The following ATP6V1A variants were observed in gnomAD, a reference collection of about 807,000 sequenced individuals.
ATP6V1A encodes V-type proton ATPase catalytic subunit A.
Under a neutral mutation model 70.1 loss-of-function variants are expected in ATP6V1A, and 18 were observed. That is an observed-to-expected ratio of 0.26 (90% CI 0.18 to 0.38). ATP6V1A has a LOEUF of 0.38. ATP6V1A is among the 10% of genes least tolerant of loss of function. The pLI is 1.00. For missense variants in ATP6V1A, 424 were observed against 772.4 expected (o/e 0.55, Z 5.35); for synonymous variants, 232 against 253.8 (o/e 0.91, Z 0.82).
intron 1 of ATP6V1A, among the ~76,000 whole-genome samples, chr3:113,772,094 G>A (rs1160783635): frequency 6.6e-6 from 1 of 152,226 alleles, no homozygotes; most frequent in Non-Finnish European, 1.5e-5. Context: ...CCTAGTGGGA[G>A]AGATCTGGAG....
rs1709342716 is a variant in ATP6V1A at position 113,811,659 on chromosome 3, G to A, written c.*2232G>A. The A allele has an allele frequency of 6.6e-6, 1 of 152,584 alleles. No individual in the cohort carries two copies. The highest frequency in any genetic ancestry group is 2.1e-4 in the South Asian group (1 of 4,832). The allele number at this position is 152,584 out of a possible 1,614,324, so 9.5% of individuals were successfully genotyped here. On this transcript the variant is annotated 3_prime_UTR_variant, in exon 15 of 15. Coordinates refer to ENST00000273398, the MANE Select transcript of ATP6V1A (RefSeq NM_001690.4). ...AATCATTCTTATTCCCTTTAAGAAT[G>A]TTTATGTATGAGTGTGAAGATGCTA...
chr3:113,761,489 C>T lies in ATP6V1A; in HGVS notation c.-14+14376C>T, dbSNP rs151008327. 8.1e-3 allele frequency among the ~76,000 whole-genome samples: 1,236 copies of T among 151,978 alleles called. 12 individuals carry two copies. The highest frequency in any genetic ancestry group is 0.028 in the African/African-American group (1,175 of 41,424). On this transcript the variant is annotated intron_variant, in intron 1 of 14. Transcript: ENST00000273398. Reference sequence around the variant, plus strand: ...TGGTGGCTCGCACGTGTTATCCCAGCGCTTTGGGAGGCCGAGGTGGGTAGA... The same window carrying T: ...TGGTGGCTCGCACGTGTTATCCCAGTGCTTTGGGAGGCCGAGGTGGGTAGA...
chr3:113,767,933 C>G (rs953864035), intron 1 of ATP6V1A, among the ~76,000 whole-genome samples: 1 of 152,070 alleles, frequency 6.6e-6, no homozygotes. Context: ...TGTGAGCCAC[C>G]GTGCCTGGCT....
intron 14 of ATP6V1A, among the ~76,000 whole-genome samples, chr3:113,808,654 G>A (rs957422920): frequency 6.6e-6 from 1 of 152,016 alleles, no homozygotes; most frequent in Non-Finnish European, 1.5e-5. Context: ...ATCCCAGTGT[G>A]ATAATACCAG....
intron 1 of ATP6V1A, among the ~76,000 whole-genome samples, chr3:113,768,011 G>A (rs1299418662): frequency 6.6e-6 from 1 of 152,202 alleles, no homozygotes; most frequent in African/African-American, 2.4e-5. Flanking sequence ...TGAACTGTAA[G>A]TGTGTTTAGC....
At chr3:113,755,848 T>C (rs1231602106) in intron 1 of ATP6V1A, among the ~76,000 whole-genome samples, 1 of 152,232 alleles carries the variant, frequency 6.6e-6, no homozygotes, top group Non-Finnish European at 1.5e-5. Flanking sequence ...GTAGCACCTC[T>C]TCGTATTATT....
chr3:113,809,230 G>A, intron 14 of ATP6V1A, 105 bp from the exon 15 acceptor site: 1 of 870,164 alleles, frequency 1.1e-6, no homozygotes, highest in Non-Finnish European at 1.7e-6. Context: ...ACTCCAGCCT[G>A]GGTGACAGAG....
intron 6 of ATP6V1A, among the ~76,000 whole-genome samples, chr3:113,788,136 G>A (rs189957635): frequency 3.3e-4 from 50 of 152,244 alleles, no homozygotes; most frequent in African/African-American, 1.0e-3. Context: ...GCCCAGGCTG[G>A]TCTTGGGCTC....
intron 1 of ATP6V1A, among the ~76,000 whole-genome samples, chr3:113,773,110 T>C (rs1708867630): frequency 6.6e-6 from 1 of 151,846 alleles, no homozygotes; most frequent in South Asian, 2.1e-4. Context: ...GCTAATTTTT[T>C]TGTATTTTTA....
At chr3:113,763,305 T>G (rs952596721) in intron 1 of ATP6V1A, among the ~76,000 whole-genome samples, 1 of 152,182 alleles carries the variant, frequency 6.6e-6, no homozygotes, top group Admixed American at 6.5e-5. Flanking sequence ...GCCAGGATGG[T>G]CTCGATCTCC....
chr3:113,805,188 G>A (rs1709261058), intron 13 of ATP6V1A, among the ~76,000 whole-genome samples, 166 bp from the exon 14 acceptor site: 1 of 152,140 alleles, frequency 6.6e-6, no homozygotes, highest in Non-Finnish European at 1.5e-5. Flanking sequence ...TGGTTAAGTA[G>A]TTGTTGGTCT....
chr3:113,805,598 C>G, intron 14 of ATP6V1A, 73 bp downstream of exon 14: 1 of 1,418,774 alleles, frequency 7.0e-7, no homozygotes, highest in Non-Finnish European at 9.7e-7. Context: ...TAGACAGAGT[C>G]TCACTCTGTT....
At chr3:113,774,631 T>C (rs1273407053) in intron 1 of ATP6V1A, among the ~76,000 whole-genome samples, 2 of 152,038 alleles carry the variant, frequency 1.3e-5, no homozygotes, top group Non-Finnish European at 2.9e-5. Flanking sequence ...CTGGCCAACA[T>C]GGTGAAACCC....
chr3:113,761,779 T>A (rs1433614946), intron 1 of ATP6V1A, among the ~76,000 whole-genome samples: 1 of 143,740 alleles, frequency 7.0e-6, no homozygotes, highest in Non-Finnish European at 1.5e-5. Context: ...ATTGCCTTTT[T>A]AAAGTAGTCA....
At chr3:113,783,692 C>G (rs1709006929) in intron 3 of ATP6V1A, among the ~76,000 whole-genome samples, 1 of 152,152 alleles carries the variant, frequency 6.6e-6, no homozygotes, top group Non-Finnish European at 1.5e-5. Flanking sequence ...ACCACATGAA[C>G]TAGTAGCTTG....
In ATP6V1A at chr3:113,795,236, G is replaced by A. The variant is rs1013646851; in HGVS notation, c.1226+32G>A. On this transcript the variant is annotated intron_variant, in intron 10 of 14. Transcript: ENST00000273398. ...ACCCACACTATTTACTTTGCAAAAG[G>A]AAAAAAGTCACAGATGTATTAAAGA... 3.8e-6 allele frequency: 6 copies of A among 1,591,962 alleles called. No homozygotes were observed. In the African/African-American group the frequency reaches 8.2e-5, roughly 22 times the overall value.
At chr3:113,778,123 C>T (rs1427208792) in intron 1 of ATP6V1A, among the ~76,000 whole-genome samples, 1 of 152,046 alleles carries the variant, frequency 6.6e-6, no homozygotes, top group African/African-American at 2.4e-5. Flanking sequence ...GGTTCAGTGG[C>T]TGGCTCACGT....
At position 113,795,893 on chromosome 3, in the gene ATP6V1A, G is replaced by T; in HGVS notation, c.1244G>T (p.Gly415Val). 1 of 1,609,568 alleles carries T rather than the reference G, an allele frequency of 6.2e-7. No individual in the cohort carries two copies. ...AAATTTAGAGTTTCTCCACCTGGTG[G>T]TGATTTTTCTGATCCAGTTACATCT... ...SIVGAVSPPG[G>V]DFSDPVTSAT... Residue 415 changes from glycine to valine, a missense_variant, in exon 11 of 15, where the codon GGT becomes GTT. Around this residue, in one of 9 missense-constraint regions of ATP6V1A, gnomAD observed 58 missense variants for 181.5 expected, o/e 0.32. Transcript: ENST00000273398.
chr3:113,798,018 A>C (rs979477336), intron 11 of ATP6V1A, among the ~76,000 whole-genome samples: 13 of 152,066 alleles, frequency 8.5e-5, no homozygotes, highest in Non-Finnish European at 1.5e-4. Context: ...TTGTAATCCC[A>C]GCTACTGGTG....
Sources: gnomAD v4.1 joint callset for allele counts (sites outside exome capture counted in the v4.1 genomes callset) on GRCh38, gnomAD v4.1.1 for gene constraint, gnomAD v4.1.1 regional missense constraint, MANE v1.5 for transcripts, NCBI Gene and HGNC (gene_info 2026-07-23, HGNC 2026-07-21) for gene names.